Variants in NIN observed in about 807,000 individuals in gnomAD.
NIN encodes the protein glycogen synthase kinase 3 beta-interacting protein.
A neutral mutation model predicts 257.6 loss-of-function variants in NIN; 137 were observed. The observed-to-expected ratio is 0.53, with a 90% CI of 0.46 to 0.61. The LOEUF is 0.61. Ranked by LOEUF, NIN falls within the 20% of genes least tolerant of loss-of-function variation. The pLI, the probability that NIN is intolerant of heterozygous loss-of-function variation, is 0.00. For missense variants in NIN, 2,439 were observed against 2,501.2 expected, an observed-to-expected ratio of 0.98 and a Z score of 0.53; for synonymous variants, 918 against 919.8, an observed-to-expected ratio of 1.00 and a Z score of 0.04.
chr14:50,793,658 G>T (rs2043699245), intron 4 of NIN, among the ~76,000 whole-genome samples: 1 of 152,110 alleles, frequency 6.6e-6, no homozygotes, highest in Non-Finnish European at 1.5e-5. Flanking sequence ...GACATCACTT[G>T]TCTCAGGTTC....
intron 15 of NIN, 33 bp downstream of exon 15, chr14:50,763,793 G>A: frequency 1.3e-6 from 2 of 1,595,618 alleles, no homozygotes; most frequent in Non-Finnish European, 1.7e-6. Flanking sequence ...CAAGAGTAAA[G>A]GCTTTATCTA....
intron 7 of NIN, 86 bp from the exon 8 acceptor site, chr14:50,773,181 C>T (rs755023240): frequency 1.2e-5 from 12 of 1,032,850 alleles, no homozygotes; most frequent in Admixed American, 2.3e-5. Flanking sequence ...TAATCAGTAC[C>T]ATGGTTGGTC....
chr14:50,820,071 T>C (rs2045126197), intron 3 of NIN, among the ~76,000 whole-genome samples: 1 of 152,180 alleles, frequency 6.6e-6, no homozygotes, highest in African/African-American at 2.4e-5. Context: ...TTAACAGTAG[T>C]GCATTAACTC....
At position 50,773,004 on chromosome 14, in the gene NIN, A is replaced by C; in HGVS notation, c.758T>G (p.Leu253Arg). 1 of 1,613,406 alleles carries C rather than the reference A, an allele frequency of 6.2e-7. No individual in the cohort carries two copies. The highest frequency in any genetic ancestry group is 8.5e-7 in the Non-Finnish European group (1 of 1,179,428). ...FYGLFKNGKS[L>R]TPSASTPYRQ... is the part of the protein sequence containing the mutation. The stretch of plus-strand genomic sequence containing the variant: ...ATATGGAGTAGATGCTGATGGTGTA[A>C]GAGATTTTCCATTTTTAAACAAACC... The change falls in exon 8 of 31, where the codon CTT becomes CGT. Residue 253 changes from leucine to arginine, a missense_variant. Transcript: ENST00000530997.
Position 50,759,719 on chromosome 14 carries a change from G to A in NIN, c.2399+138C>T, listed in dbSNP as rs542314289. 4.0e-5 allele frequency: 34 copies of A among 845,468 alleles called. No homozygotes were observed. In the East Asian group the frequency reaches 4.2e-4, roughly 11 times the overall value. 52.4% of individuals were successfully genotyped at this position (845,468 alleles called of 1,614,324 possible). ...CATGTTAGCCAGGTCTCGATCTCCT[G>A]ACCTCGTGATCCGCCCACCTCGGCC... On this transcript the variant is annotated intron_variant, in intron 17 of 30. Transcript: ENST00000530997.
At position 50,754,647 on chromosome 14, in the gene NIN, GAAAATAAAATTTAATGGTTAGGCTTT is replaced by G; in HGVS notation, c.4665-41_4665-16del. 6.2e-7 allele frequency: 1 copy of G among 1,604,104 alleles called. No homozygotes were observed. On this transcript the variant is annotated splice_polypyrimidine_tract_variant and intron_variant, in intron 19 of 30. Transcript: ENST00000530997. ...CCGTTTTTTGCCTAAAAGGAATGAT[GAAAATAAAATTTAATGGTTAGGCTTT>G]AAAAGCTGAAGTAAAAGAATTTTAG... is the stretch of plus-strand genomic sequence containing the variant.
chr14:50,791,292 T>C (rs925400109), intron 5 of NIN, among the ~76,000 whole-genome samples: 2 of 152,198 alleles, frequency 1.3e-5, no homozygotes, highest in East Asian at 1.9e-4. Flanking sequence ...TATGAGTATA[T>C]GTGTTTTACT....
At chr14:50,779,316 A>G (rs1195318145) in intron 5 of NIN, among the ~76,000 whole-genome samples, 1 of 152,254 alleles carries the variant, frequency 6.6e-6, no homozygotes, top group African/African-American at 2.4e-5. Context: ...GAAAACAGGA[A>G]ATACAACAGG....
In NIN at chr14:50,741,708, G is replaced by C. The variant is rs376716227; in HGVS notation, c.5322C>G (p.Thr1774=). Residue 1774 remains threonine, a synonymous_variant, in exon 25 of 31, where the codon ACC becomes ACG. Coordinates refer to ENST00000530997, the MANE Select transcript of NIN (RefSeq NM_020921.4). ...ACATTTGCAGGTTTACATTCTGCAC[G>C]GTGTCTTCTAAATTCTGAACCTGTA... The part of the protein sequence containing the change: ...SQEKVQNLED[T]VQNVNLQMSR... The C allele has an allele frequency of 1.2e-6, 2 of 1,613,550 alleles. No individual in the cohort carries two copies. The highest frequency in any genetic ancestry group is 2.2e-5 in the South Asian group (2 of 91,038).
At chr14:50,731,471 C>T (rs1016384294) in intron 28 of NIN, among the ~76,000 whole-genome samples, 4 of 144,000 alleles carry the variant, frequency 2.8e-5, no homozygotes, top group Non-Finnish European at 5.9e-5. Context: ...GCAGAGATTG[C>T]AGTGAGCCAA....
At chr14:50,781,840 T>G (rs1319376981) in intron 5 of NIN, among the ~76,000 whole-genome samples, 1 of 152,250 alleles carries the variant, frequency 6.6e-6, no homozygotes, top group African/African-American at 2.4e-5. Flanking sequence ...TATGTTTACA[T>G]GATACATGTG....
At chr14:50,752,492 A>G (rs950033220) in intron 21 of NIN, 26 bp downstream of exon 21, 1 of 1,536,380 alleles carries the variant, frequency 6.5e-7, no homozygotes, top group Non-Finnish European at 8.9e-7. Context: ...CCTCAAAAAA[A>G]GCTGTCAGGT....
chr14:50,818,479 G>C (rs1230667492), intron 3 of NIN, among the ~76,000 whole-genome samples: 1 of 152,026 alleles, frequency 6.6e-6, no homozygotes, highest in East Asian at 1.9e-4. Context: ...GATAAAACTT[G>C]GTTCATGGTT....
Position 50,738,275 on chromosome 14 carries a change from C to T in NIN, c.5640G>A (p.Leu1880=). The change falls in exon 27 of 31, where the codon TTG becomes TTA. Residue 1880 remains leucine (L), a synonymous_variant. Coordinates refer to ENST00000530997, the MANE Select transcript of NIN (RefSeq NM_020921.4). The part of the protein sequence containing the change: ...LTHSREKVRQ[L]ESNLLPKHQK... Reference sequence around the variant, plus strand: ...GGTGCTTGGGAAGAAGATTGGATTCCAACTGACGGACCTAACAGGAACAAA... The same window carrying T: ...GGTGCTTGGGAAGAAGATTGGATTCTAACTGACGGACCTAACAGGAACAAA... 1 of 1,613,396 alleles carries T rather than the reference C, an allele frequency of 6.2e-7. No homozygotes were observed. Among genetic ancestry groups the T allele is most frequent in the South Asian group, 1.1e-5 (1 of 90,910 alleles).
intron 30 of NIN, chr14:50,723,912 AGATT>A (rs2040321829): frequency 2.2e-6 from 1 of 462,212 alleles, no homozygotes; most frequent in Non-Finnish European, 3.8e-6. Flanking sequence ...CTAATAGAAC[AGATT>A]GATATTAGAT....
chr14:50,789,942 T>C (rs2043514404), intron 5 of NIN, among the ~76,000 whole-genome samples: 1 of 152,246 alleles, frequency 6.6e-6, no homozygotes, highest in Non-Finnish European at 1.5e-5. Context: ...ACAAGATTCC[T>C]GCATACACAG....
chr14:50,824,341 C>T (rs112263102), intron 2 of NIN, among the ~76,000 whole-genome samples: 25 of 152,078 alleles, frequency 1.6e-4, no homozygotes, highest in African/African-American at 5.6e-4. Context: ...CTAAATCAAA[C>T]CTCTTTCATT....
intron 17 of NIN, 109 bp downstream of exon 17, chr14:50,759,748 C>T: frequency 8.3e-7 from 1 of 1,204,640 alleles, no homozygotes; most frequent in Non-Finnish European, 1.2e-6. Context: ...CTCGGCCTCC[C>T]AGAGTGCTGG....
Position 50,772,979 on chromosome 14 carries a change from A to G in NIN, c.783T>C (p.Tyr261=). The change falls in exon 8 of 31, where the codon TAT becomes TAC. Residue 261 remains tyrosine (Y), a synonymous_variant. Transcript: ENST00000530997. The part of the protein sequence containing the change: ...KSLTPSASTP[Y]RQLKRHLSMQ... ...TGGAAAGGTGCCTTTTTAGTTGTCT[A>G]TATGGAGTAGATGCTGATGGTGTAA... The G allele has an allele frequency of 9.9e-6, 16 of 1,613,320 alleles. No individual in the cohort carries two copies. The highest frequency in any genetic ancestry group is 1.2e-5 in the Non-Finnish European group (14 of 1,179,618).
Sources: allele counts gnomAD v4.1 joint callset (sites outside exome capture counted in the v4.1 genomes callset), GRCh38; gene constraint gnomAD v4.1.1; transcripts MANE v1.5; gene names NCBI Gene and HGNC (gene_info 2026-07-23, HGNC 2026-07-21).